The following LRIG1 variants were observed in gnomAD, a reference collection of about 807,000 sequenced individuals.
LRIG1 encodes the protein leucine-rich repeats and immunoglobulin-like domains protein 1.
LRIG1 carries 48 observed loss-of-function variants against 99.2 expected under a neutral mutation model. The ratio of observed to expected loss-of-function variants is 0.48; its 90% CI spans 0.38 to 0.62. The LOEUF is 0.62. LRIG1 is among the 20% of genes least tolerant of loss of function. The probability of loss-of-function intolerance (pLI) is 0.00; values close to 1 mark genes in which losing one functional copy is unlikely to be tolerated. For missense variants in LRIG1, 1,646 were observed against 1,434.4 expected (o/e 1.15, Z -2.38); for synonymous variants, 772 against 596.1 (o/e 1.29, Z -4.30).
At position 66,383,128 on chromosome 3, in the gene LRIG1, G is replaced by T; in HGVS notation, c.2345C>A (p.Pro782His). The T allele has an allele frequency of 6.2e-7, 1 of 1,614,226 alleles. No individual in the cohort carries two copies. The highest frequency in any genetic ancestry group is 1.1e-5 in the South Asian group (1 of 91,090). ...ERAHSQLSVLPAAGCRKDGTT... is the reference protein window; with the variant it reads ...ERAHSQLSVLHAAGCRKDGTT... ...CCCATCCTTCCTGCAGCCTGCTGCG[G>T]GCAGGACGCTCAGCTGGCTGTGAGC... Residue 782 changes from proline to histidine, a missense_variant, in exon 15 of 19, where the codon CCC (proline) becomes CAC (histidine). Transcript: ENST00000273261.
At chr3:66,384,703 TG>T (rs916165115) in intron 13 of LRIG1, among the ~76,000 whole-genome samples, 56 of 151,790 alleles carry the variant, frequency 3.7e-4, no homozygotes, top group African/African-American at 1.3e-3. Flanking sequence ...TCCGTTTGGA[TG>T]GGTGTTCATG....
intron 3 of LRIG1, among the ~76,000 whole-genome samples, chr3:66,449,033 T>C (rs1043089057): frequency 2.6e-5 from 4 of 152,206 alleles, no homozygotes; most frequent in African/African-American, 9.6e-5. Context: ...ACTGGAATCA[T>C]CATGTGGATG....
At chr3:66,443,121 G>C (rs1312178597) in intron 3 of LRIG1, among the ~76,000 whole-genome samples, 1 of 152,070 alleles carries the variant, frequency 6.6e-6, no homozygotes, top group Admixed American at 6.5e-5. Context: ...GGAATCCCTG[G>C]GAAGTTTCCG....
At chr3:66,414,392 G>A (rs984981422) in intron 5 of LRIG1, among the ~76,000 whole-genome samples, 25 of 149,818 alleles carry the variant, frequency 1.7e-4, no homozygotes, top group East Asian at 5.8e-4. Context: ...CGAGACTGTC[G>A]CAAAAAAAAA....
chr3:66,464,199 A>T (rs1700419462), intron 1 of LRIG1, among the ~76,000 whole-genome samples: 1 of 152,256 alleles, frequency 6.6e-6, no homozygotes, highest in Admixed American at 6.5e-5. Flanking sequence ...GGGTGTAAAG[A>T]TACTGGGAGT....
chr3:66,458,879 C>T (rs1186621834), intron 2 of LRIG1, among the ~76,000 whole-genome samples: 5 of 151,348 alleles, frequency 3.3e-5, no homozygotes, highest in South Asian at 2.1e-4. Context: ...TAGCTGGGCA[C>T]GGTTGCAGGC....
At chr3:66,494,749 A>G (rs1416398328) in intron 1 of LRIG1, among the ~76,000 whole-genome samples, 1 of 152,236 alleles carries the variant, frequency 6.6e-6, no homozygotes, top group Non-Finnish European at 1.5e-5. Context: ...AAAGAGACAC[A>G]AATTGCCGAC....
At chr3:66,465,323 T>C (rs1700447960) in intron 1 of LRIG1, among the ~76,000 whole-genome samples, 1 of 151,912 alleles carries the variant, frequency 6.6e-6, no homozygotes, top group African/African-American at 2.4e-5. Flanking sequence ...CACTTTCTTG[T>C]TGGCCCAATT....
At chr3:66,397,928 G>T (rs1360547317) in intron 11 of LRIG1, among the ~76,000 whole-genome samples, 184 bp downstream of exon 11, 2 of 152,244 alleles carry the variant, frequency 1.3e-5, no homozygotes, top group African/African-American at 4.8e-5. Flanking sequence ...CTTATGTAAT[G>T]TCTATGGCTG....
intron 1 of LRIG1, among the ~76,000 whole-genome samples, chr3:66,482,100 A>G (rs1700865379): frequency 6.6e-6 from 1 of 152,244 alleles, no homozygotes; most frequent in Non-Finnish European, 1.5e-5. Flanking sequence ...CAGCCTGGGC[A>G]CAGGCAGGCT....
At chr3:66,465,213 T>A (rs1332148587) in intron 1 of LRIG1, among the ~76,000 whole-genome samples, 1 of 151,968 alleles carries the variant, frequency 6.6e-6, no homozygotes, top group East Asian at 1.9e-4. Flanking sequence ...GCCTAAAGAG[T>A]GGAGCCAGCT....
intron 1 of LRIG1, among the ~76,000 whole-genome samples, chr3:66,473,009 C>G (rs1182460711): frequency 6.6e-6 from 1 of 152,016 alleles, no homozygotes; most frequent in Non-Finnish European, 1.5e-5. Flanking sequence ...AAAAAGCAAA[C>G]TCAGTGGTGA....
intron 1 of LRIG1, among the ~76,000 whole-genome samples, chr3:66,471,532 C>A (rs1443476940): frequency 6.6e-6 from 1 of 152,196 alleles, no homozygotes; most frequent in East Asian, 1.9e-4. Context: ...GGGCCCCAGC[C>A]GCTGCAGGGA....
intron 3 of LRIG1, among the ~76,000 whole-genome samples, chr3:66,434,613 G>A (rs968258509): frequency 6.6e-6 from 1 of 152,120 alleles, no homozygotes; most frequent in Admixed American, 6.5e-5. Context: ...CAGGCCTGGT[G>A]GCGTAAGCCT....
At chr3:66,442,958 C>T (rs1314910827) in intron 3 of LRIG1, among the ~76,000 whole-genome samples, 1 of 152,020 alleles carries the variant, frequency 6.6e-6, no homozygotes, top group South Asian at 2.1e-4. Context: ...ACCACCCCCA[C>T]TCTCAAAGAA....
intron 3 of LRIG1, among the ~76,000 whole-genome samples, chr3:66,437,262 T>A (rs1703392278): frequency 6.6e-6 from 1 of 152,208 alleles, no homozygotes; most frequent in African/African-American, 2.4e-5. Context: ...AGAGCCCTTT[T>A]TTGACACATC....
intron 3 of LRIG1, among the ~76,000 whole-genome samples, chr3:66,422,438 C>A (rs1702850057): frequency 6.6e-6 from 1 of 152,158 alleles, no homozygotes; most frequent in Non-Finnish European, 1.5e-5. Context: ...TTCAAAGTTC[C>A]ACAAATCTCT....
At chr3:66,385,946 A>G in intron 13 of LRIG1, 35 bp downstream of exon 13, 1 of 1,581,840 alleles carries the variant, frequency 6.3e-7, no homozygotes, top group Non-Finnish European at 8.6e-7. Flanking sequence ...GCTTTGTAGG[A>G]TTCTGGTACT....
chr3:66,417,949 G>T (rs542067560), intron 3 of LRIG1, among the ~76,000 whole-genome samples: 1 of 152,138 alleles, frequency 6.6e-6, no homozygotes, highest in South Asian at 2.1e-4. Context: ...TGGAAGATGG[G>T]GCCACAACCC....
Sources: allele counts gnomAD v4.1 joint callset (sites outside exome capture counted in the v4.1 genomes callset), GRCh38; gene constraint gnomAD v4.1.1; transcripts MANE v1.5; gene names NCBI Gene and HGNC (gene_info 2026-07-23, HGNC 2026-07-21).